BTBD9: variants seen among roughly 807,000 people sequenced by gnomAD.
BTBD9 encodes the protein BTB/POZ domain-containing protein 9.
In BTBD9, 49 loss-of-function variants were observed where a neutral mutation model predicts 64.3. The ratio of observed to expected loss-of-function variants is 0.76; its 90% CI spans 0.61 to 0.97. The LOEUF is 0.97. Among genes scored for constraint, BTBD9 ranks in the 50% least tolerant of loss-of-function variants. The pLI is 0.00. For missense variants in BTBD9, 598 were observed against 762.1 expected (o/e 0.78, Z 2.53); for synonymous variants, 260 against 274.7 (o/e 0.95, Z 0.53).
intron 6 of BTBD9, among the ~76,000 whole-genome samples, chr6:38,564,712 C>T (rs1438003903): frequency 6.6e-6 from 1 of 151,978 alleles, no homozygotes; most frequent in Non-Finnish European, 1.5e-5. Context: ...CATGGTGAAA[C>T]CCCATCTCTA....
intron 6 of BTBD9, among the ~76,000 whole-genome samples, chr6:38,420,230 T>C (rs1767842892): frequency 6.6e-6 from 1 of 152,232 alleles, no homozygotes; most frequent in African/African-American, 2.4e-5. Context: ...CAGGAACTTA[T>C]CTAACTCTCT....
intron 6 of BTBD9, among the ~76,000 whole-genome samples, chr6:38,521,822 C>G (rs1472816982): frequency 2.6e-5 from 4 of 152,052 alleles, no homozygotes; most frequent in African/African-American, 9.7e-5. Context: ...TTATAGGCGC[C>G]TGCCACCATG....
chr6:38,169,695 C>CT lies in BTBD9; in HGVS notation c.*5289dup, dbSNP rs1480536378. On this transcript the variant is annotated 3_prime_UTR_variant, in exon 11 of 11. Transcript: ENST00000481247. ...CAGCCTTGGGGAGGCTGAGGGGGCT[C>CT]TGTCAACCAGGGGACACTAGTGGGG... is the stretch of plus-strand genomic sequence containing the variant. The CT allele has an allele frequency of 6.6e-6, 1 of 152,282 alleles. No individual in the cohort carries two copies. Among genetic ancestry groups the CT allele is most frequent in the Non-Finnish European group, 1.5e-5 (1 of 68,114 alleles). 9.4% of individuals were successfully genotyped at this position (152,282 alleles called of 1,614,324 possible).
intron 6 of BTBD9, among the ~76,000 whole-genome samples, chr6:38,346,118 G>A (rs1764266347): frequency 6.6e-6 from 1 of 152,162 alleles, no homozygotes; most frequent in African/African-American, 2.4e-5. Flanking sequence ...ATGACAGACT[G>A]GACAAGGTTT....
rs113233080 is a variant in BTBD9 at position 38,473,289 on chromosome 6, T to A, written c.1154+104311A>T. On this transcript the variant is annotated intron_variant, in intron 6 of 10. Transcript: ENST00000481247. Reference sequence around the variant, plus strand: ...AAAAAGAAGTGAGTTCTCTGATTCATAAATAATGTCCCCAAATAAGAAATA... The same window carrying A: ...AAAAAGAAGTGAGTTCTCTGATTCAAAAATAATGTCCCCAAATAAGAAATA... 7.4e-3 allele frequency among the ~76,000 whole-genome samples: 1,128 copies of A among 152,366 alleles called. 9 individuals carry two copies. Among genetic ancestry groups the A allele is most frequent in the African/African-American group, 0.026 (1,068 of 41,594 alleles).
At chr6:38,329,724 G>A (rs1479723101) in intron 7 of BTBD9, among the ~76,000 whole-genome samples, 1 of 152,084 alleles carries the variant, frequency 6.6e-6, no homozygotes, top group East Asian at 1.9e-4. Flanking sequence ...GGAAGCTAAG[G>A]CAGGCAGATC....
chr6:38,323,077 G>A (rs1218799048), intron 7 of BTBD9, among the ~76,000 whole-genome samples: 1 of 152,174 alleles, frequency 6.6e-6, no homozygotes, highest in Non-Finnish European at 1.5e-5. Flanking sequence ...AGAGAATCAT[G>A]ACACAAAGCT....
rs1411007259 is a variant in BTBD9 at position 38,411,209 on chromosome 6, T to C, written c.1155-66116A>G. 2.6e-5 allele frequency among the ~76,000 whole-genome samples: 4 copies of C among 152,066 alleles called. No homozygotes were observed. In the East Asian group the frequency reaches 7.7e-4, roughly 29 times the overall value. On this transcript the variant is annotated intron_variant, in intron 6 of 10. Transcript: ENST00000481247. ...ACCATAACCCATTCCCCATCAAAAT[T>C]AGATAAGTTGATTATAAGGCTAATT...
chr6:38,604,805 G>A (rs1777373402), intron 1 of BTBD9, among the ~76,000 whole-genome samples: 2 of 152,094 alleles, frequency 1.3e-5, no homozygotes, highest in Admixed American at 6.5e-5. Flanking sequence ...GCTCATATTC[G>A]AGGGAGACTG....
intron 9 of BTBD9, among the ~76,000 whole-genome samples, chr6:38,216,986 G>A (rs1374572753): frequency 6.6e-6 from 1 of 151,924 alleles, no homozygotes; most frequent in African/African-American, 2.4e-5. Context: ...CCCAGGTGAT[G>A]CTGATGGCCT....
chr6:38,411,235 T>C (rs149513566), intron 6 of BTBD9, among the ~76,000 whole-genome samples: 96 of 152,250 alleles, frequency 6.3e-4, no homozygotes, highest in African/African-American at 2.2e-3. Flanking sequence ...AAGGCTAATT[T>C]AGAAGAGCAA....
intron 6 of BTBD9, among the ~76,000 whole-genome samples, chr6:38,440,374 G>A (rs1361443919): frequency 6.6e-6 from 1 of 152,168 alleles, no homozygotes; most frequent in Non-Finnish European, 1.5e-5. Context: ...ATTTTTCAAG[G>A]AGCAGGGTGT....
At chr6:38,559,698 G>A (rs1029192145) in intron 6 of BTBD9, among the ~76,000 whole-genome samples, 9 of 152,044 alleles carry the variant, frequency 5.9e-5, no homozygotes, top group African/African-American at 1.7e-4. Flanking sequence ...TTACAGTAAT[G>A]AAAACAGCAC....
intron 6 of BTBD9, among the ~76,000 whole-genome samples, chr6:38,547,497 A>G (rs1774606413): frequency 6.6e-6 from 1 of 152,190 alleles, no homozygotes; most frequent in South Asian, 2.1e-4. Flanking sequence ...CCTTGTTCTC[A>G]TAATAAAGTT....
At chr6:38,330,094 AC>A (rs1321301692) in intron 7 of BTBD9, among the ~76,000 whole-genome samples, 6 of 150,442 alleles carry the variant, frequency 4.0e-5, no homozygotes, top group Non-Finnish European at 8.9e-5. Flanking sequence ...TGGCTCTGTC[AC>A]CCAGGCTGGA....
chr6:38,603,925 C>T (rs1053870863), intron 1 of BTBD9, among the ~76,000 whole-genome samples: 2 of 152,134 alleles, frequency 1.3e-5, no homozygotes, highest in East Asian at 3.9e-4. Context: ...GTTAATATCG[C>T]TTGGGGAGAT....
At chr6:38,357,348 T>A (rs537314651) in intron 6 of BTBD9, among the ~76,000 whole-genome samples, 1 of 152,326 alleles carries the variant, frequency 6.6e-6, no homozygotes, top group East Asian at 1.9e-4. Context: ...GTTCATCTGC[T>A]TTACATCTTT....
chr6:38,423,517 G>T (rs1199737642), intron 6 of BTBD9, among the ~76,000 whole-genome samples: 1 of 152,026 alleles, frequency 6.6e-6, no homozygotes, highest in Non-Finnish European at 1.5e-5. Flanking sequence ...ATTGCCCAGG[G>T]TGGTCTCAAA....
intron 6 of BTBD9, among the ~76,000 whole-genome samples, chr6:38,453,936 A>G (rs1173329465): frequency 6.6e-6 from 1 of 152,238 alleles, no homozygotes; most frequent in Non-Finnish European, 1.5e-5. Context: ...TAAGAAATAG[A>G]GCGATACACA....
Sources: gnomAD v4.1 joint callset for allele counts (sites outside exome capture counted in the v4.1 genomes callset) on GRCh38, gnomAD v4.1.1 for gene constraint, MANE v1.5 for transcripts, NCBI Gene and HGNC (gene_info 2026-07-23, HGNC 2026-07-21) for gene names.